Variants in NCKAP5 observed in about 807,000 individuals in gnomAD.
NCKAP5 encodes nck-associated protein 5.
NCKAP5 carries 92 observed loss-of-function variants against 167.0 expected under a neutral mutation model. That is an observed-to-expected ratio of 0.55 (90% CI 0.47 to 0.66). The LOEUF is 0.66. Ranked by LOEUF, NCKAP5 falls within the 30% of genes least tolerant of loss-of-function variation. NCKAP5 has a pLI of 0.00. For synonymous variants in NCKAP5, 891 were observed against 877.4 expected (o/e 1.02, Z -0.27); for missense variants, 2,378 against 2,315.0 (o/e 1.03, Z -0.56).
At chr2:132,911,855 C>T (rs1476954435) in intron 8 of NCKAP5, among the ~76,000 whole-genome samples, 3 of 152,268 alleles carry the variant, frequency 2.0e-5, no homozygotes, top group East Asian at 1.9e-4. Flanking sequence ...CCCATGGCTC[C>T]GGTAAACTGC....
intron 5 of NCKAP5, among the ~76,000 whole-genome samples, chr2:133,137,949 T>TG (rs2082855697): frequency 1.3e-5 from 2 of 152,038 alleles, no homozygotes; most frequent in African/African-American, 2.4e-5. Context: ...TTGGCTGAGG[T>TG]GGGGTCGTAC....
intron 6 of NCKAP5, among the ~76,000 whole-genome samples, chr2:133,023,847 C>G (rs2149399672): frequency 6.6e-6 from 1 of 152,170 alleles, no homozygotes; most frequent in Non-Finnish European, 1.5e-5. Context: ...TTAAATCCAC[C>G]ATTGATGGGT....
In NCKAP5 at chr2:132,936,645, A is replaced by G. The variant is rs866826094; in HGVS notation, c.579+27075T>C. ...TTCTTTAGACTTGGAGAAAAATATA[A>G]CCAAAAGAAACTGTTATCTGAGTAT... On this transcript the variant is annotated intron_variant, in intron 8 of 19. Transcript: ENST00000409261. 5.3e-5 allele frequency among the ~76,000 whole-genome samples: 8 copies of G among 152,208 alleles called. No individual in the cohort carries two copies. The South Asian group carries it at 1.2e-3, about 24-fold the overall frequency.
intron 3 of NCKAP5, among the ~76,000 whole-genome samples, chr2:133,426,639 C>G (rs1689826303): frequency 6.6e-6 from 1 of 152,100 alleles, no homozygotes; most frequent in Non-Finnish European, 1.5e-5. Flanking sequence ...TACCTTGTGA[C>G]CAAGCAGGAT....
At chr2:133,273,773 G>C (rs1321428775) in intron 4 of NCKAP5, among the ~76,000 whole-genome samples, 2 of 150,516 alleles carry the variant, frequency 1.3e-5, no homozygotes, top group Non-Finnish European at 3.0e-5. Context: ...AGATGATTTG[G>C]CCCTAGAAAA....
At chr2:133,364,142 G>A (rs1417730303) in intron 3 of NCKAP5, among the ~76,000 whole-genome samples, 5 of 151,984 alleles carry the variant, frequency 3.3e-5, no homozygotes, top group African/African-American at 7.2e-5. Flanking sequence ...AGAGGTTCAG[G>A]AAAACTAACA....
chr2:132,755,635 C>T (rs1343412132), intron 16 of NCKAP5, among the ~76,000 whole-genome samples: 1 of 151,798 alleles, frequency 6.6e-6, no homozygotes, highest in Admixed American at 6.6e-5. Context: ...TCAAGACCAG[C>T]CTGACCAACA....
chr2:133,233,610 C>T (rs2087253983), intron 4 of NCKAP5, among the ~76,000 whole-genome samples: 4 of 151,866 alleles, frequency 2.6e-5, no homozygotes, highest in Admixed American at 2.6e-4. Context: ...TTTTATATAC[C>T]AAGTGCAGCC....
At chr2:133,062,831 TAGAAATCTTTATAA>T (rs1228257904) in intron 6 of NCKAP5, among the ~76,000 whole-genome samples, 1 of 152,200 alleles carries the variant, frequency 6.6e-6, no homozygotes, top group Non-Finnish European at 1.5e-5. Context: ...AATGTTTACA[TAGAAATCTTTATAA>T]AACCAAAGAA....
intron 15 of NCKAP5, among the ~76,000 whole-genome samples, chr2:132,779,141 A>G (rs1337098806): frequency 1.3e-5 from 2 of 152,362 alleles, no homozygotes; most frequent in East Asian, 1.9e-4. Context: ...GAAAATAATT[A>G]GAGTGTTTCT....
chr2:133,305,348 C>G (rs940039261), intron 3 of NCKAP5, among the ~76,000 whole-genome samples: 5 of 152,112 alleles, frequency 3.3e-5, no homozygotes, highest in African/African-American at 1.2e-4. Flanking sequence ...TCTCTCTAAG[C>G]CTTAGTTTCT....
chr2:133,196,476 C>T (rs990863060), intron 5 of NCKAP5, among the ~76,000 whole-genome samples: 2 of 152,122 alleles, frequency 1.3e-5, no homozygotes, highest in African/African-American at 4.8e-5. Context: ...GCTACAGCCT[C>T]TAATGCAGAG....
chr2:132,747,251 C>A (rs1272883574), intron 16 of NCKAP5, among the ~76,000 whole-genome samples: 1 of 151,146 alleles, frequency 6.6e-6, no homozygotes, highest in African/African-American at 2.4e-5. Flanking sequence ...AGCAAAGGAA[C>A]TGTGCTTTCC....
At chr2:133,184,628 G>T (rs540713272) in intron 5 of NCKAP5, among the ~76,000 whole-genome samples, 1 of 152,064 alleles carries the variant, frequency 6.6e-6, no homozygotes, top group Non-Finnish European at 1.5e-5. Context: ...TCCAACATCT[G>T]TTATTTTTTG....
At chr2:132,887,303 C>A (rs1692306961) in intron 8 of NCKAP5, among the ~76,000 whole-genome samples, 1 of 140,444 alleles carries the variant, frequency 7.1e-6, no homozygotes, top group African/African-American at 2.6e-5. Flanking sequence ...TCCATCCACC[C>A]ATAGCAACTT....
intron 6 of NCKAP5, among the ~76,000 whole-genome samples, chr2:133,092,008 C>T (rs2081200535): frequency 2.0e-5 from 3 of 152,272 alleles, no homozygotes; most frequent in South Asian, 4.1e-4. Flanking sequence ...ACTTACAATA[C>T]CCATTTCAAT....
At chr2:133,401,094 T>C (rs2151021363) in intron 3 of NCKAP5, among the ~76,000 whole-genome samples, 1 of 152,194 alleles carries the variant, frequency 6.6e-6, no homozygotes, top group Middle Eastern at 3.4e-3. Context: ...GGGCTAGAGA[T>C]TCAACTGATC....
At chr2:133,218,565 GAC>G in intron 4 of NCKAP5, among the ~76,000 whole-genome samples, 1 of 152,338 alleles carries the variant, frequency 6.6e-6, no homozygotes, top group African/African-American at 2.4e-5. Context: ...TCAACTGAAA[GAC>G]AGATACGGAA....
chr2:132,697,195 A>T (rs1355073283), intron 19 of NCKAP5, among the ~76,000 whole-genome samples: 1 of 151,916 alleles, frequency 6.6e-6, no homozygotes, highest in East Asian at 1.9e-4. Context: ...CGACATCCTT[A>T]TGCTTCTAAC....
Sources: allele counts gnomAD v4.1 joint callset (sites outside exome capture counted in the v4.1 genomes callset), GRCh38; gene constraint gnomAD v4.1.1; transcripts MANE v1.5; gene names NCBI Gene and HGNC (gene_info 2026-07-23, HGNC 2026-07-21).